SYCP2L: variants seen among roughly 807,000 people sequenced by gnomAD.
SYCP2L encodes the protein synaptonemal complex protein 2-like.
In SYCP2L, 98 loss-of-function variants were observed where a neutral mutation model predicts 125.8. The observed-to-expected ratio is 0.78, with a 90% CI of 0.66 to 0.92. SYCP2L has a LOEUF of 0.92. Ranked by LOEUF, SYCP2L falls within the 40% of genes least tolerant of loss-of-function variation. SYCP2L has a pLI of 0.00. For missense variants in SYCP2L, 842 were observed against 936.4 expected (o/e 0.90, Z 1.32); for synonymous variants, 317 against 325.4 (o/e 0.97, Z 0.28).
In SYCP2L at chr6:10,924,657, C is replaced by A; in HGVS notation, c.1218+16C>A. ...AGACAAACAGGTGGCAGGTTTCATT[C>A]TTTTGGATTATTTAAAAATGTTTTA... On this transcript the variant is annotated intron_variant, in intron 15 of 29. Transcript: ENST00000283141. The A allele has an allele frequency of 6.6e-7, 1 of 1,522,600 alleles. No individual in the cohort carries two copies. The highest frequency in any genetic ancestry group is 2.5e-5 in the Admixed American group (1 of 40,694). 94.3% of individuals were successfully genotyped at this position (1,522,600 alleles called of 1,614,324 possible).
intron 26 of SYCP2L, among the ~76,000 whole-genome samples, chr6:10,959,541 G>T (rs1025068411): frequency 1.3e-5 from 2 of 152,104 alleles, no homozygotes; most frequent in African/African-American, 4.8e-5. Flanking sequence ...TGGTTAAAAG[G>T]GTATAAATAT....
chr6:10,941,222 C>T (rs1437081272), intron 21 of SYCP2L, among the ~76,000 whole-genome samples: 1 of 152,112 alleles, frequency 6.6e-6, no homozygotes, highest in African/African-American at 2.4e-5. Flanking sequence ...TCAGCAATAC[C>T]ATTCAGGACA....
chr6:10,943,468 C>T (rs1243261650), intron 23 of SYCP2L, among the ~76,000 whole-genome samples: 1 of 151,972 alleles, frequency 6.6e-6, no homozygotes, highest in African/African-American at 2.4e-5. Flanking sequence ...ACCCCCTCCC[C>T]TTAATTTTAT....
intron 8 of SYCP2L, among the ~76,000 whole-genome samples, chr6:10,903,504 C>A (rs982473969): frequency 2.6e-5 from 4 of 152,056 alleles, no homozygotes; most frequent in Admixed American, 2.6e-4. Flanking sequence ...GCCGAGATCG[C>A]GCCACTGTGC....
At chr6:10,961,633 G>A (rs892177938) in intron 28 of SYCP2L, 75 bp downstream of exon 28, 4 of 1,438,160 alleles carry the variant, frequency 2.8e-6, no homozygotes, top group Middle Eastern at 1.8e-4. Context: ...AGAATGGGCA[G>A]TTGGTGACGG....
intron 8 of SYCP2L, 83 bp from the exon 9 acceptor site, chr6:10,905,937 G>T: frequency 1.1e-6 from 1 of 876,522 alleles, no homozygotes; most frequent in South Asian, 1.8e-5. Context: ...ATATACTTTG[G>T]TTTTAAAGTT....
At chr6:10,955,987 G>A in intron 24 of SYCP2L, 149 bp from the exon 25 acceptor site, 1 of 608,976 alleles carries the variant, frequency 1.6e-6, no homozygotes, top group East Asian at 2.8e-5. Flanking sequence ...ACTTTCCAGA[G>A]AGCGAGGTCA....
intron 29 of SYCP2L, 148 bp from the exon 30 acceptor site, chr6:10,973,804 T>C (rs1384626336): frequency 1.3e-5 from 2 of 152,316 alleles, no homozygotes; most frequent in Middle Eastern, 3.4e-3. Flanking sequence ...TTGACAACCA[T>C]GTAAGATGCT....
At chr6:10,932,208 C>G (rs79332736) in intron 20 of SYCP2L, among the ~76,000 whole-genome samples, 1 of 151,994 alleles carries the variant, frequency 6.6e-6, no homozygotes, top group African/African-American at 2.4e-5. Flanking sequence ...AGGATACCTT[C>G]GGGCTTATAT....
chr6:10,899,260 T>G (rs1012344538), intron 6 of SYCP2L, among the ~76,000 whole-genome samples: 8 of 152,196 alleles, frequency 5.3e-5, no homozygotes, highest in Non-Finnish European at 1.0e-4. Flanking sequence ...AAATTAAAGG[T>G]AATTATGCTG....
chr6:10,936,868 A>C (rs60632060), intron 21 of SYCP2L, among the ~76,000 whole-genome samples: 3,341 of 152,332 alleles, frequency 0.022, 166 homozygotes, highest in East Asian at 0.22. Context: ...ATGATGATAA[A>C]AGGGTTAATT....
rs1406198933 is a variant in SYCP2L at position 10,955,073 on chromosome 6, G to A, written c.1955-43G>A. The A allele has an allele frequency of 9.8e-6, 14 of 1,421,396 alleles. No homozygotes were observed. The South Asian group carries it at 1.3e-4, about 13-fold the overall frequency. The allele number at this position is 1,421,396 out of a possible 1,614,324, so 88.0% of individuals were successfully genotyped here. On this transcript the variant is annotated intron_variant, in intron 23 of 29. Coordinates refer to ENST00000283141, the MANE Select transcript of SYCP2L (RefSeq NM_001040274.3). ...ACATTAACTGCCAAAAAATGAACAAGATAATTTCGGGTCAAAAGGAAATGT... is the reference window on the plus strand; with the variant it reads ...ACATTAACTGCCAAAAAATGAACAAAATAATTTCGGGTCAAAAGGAAATGT...
At chr6:10,895,237 C>T (rs1361964709) in intron 4 of SYCP2L, among the ~76,000 whole-genome samples, 1 of 152,128 alleles carries the variant, frequency 6.6e-6, no homozygotes, top group East Asian at 1.9e-4. Flanking sequence ...CTAAGTGTAC[C>T]TTGGAACCCT....
chr6:10,952,708 C>T (rs1007652152), intron 23 of SYCP2L, among the ~76,000 whole-genome samples: 21 of 152,156 alleles, frequency 1.4e-4, no homozygotes, highest in Non-Finnish European at 2.9e-5. Flanking sequence ...TTGGCCCTGA[C>T]TGCGGTATAG....
intron 18 of SYCP2L, among the ~76,000 whole-genome samples, chr6:10,929,178 ACCACACCTGG>A (rs1780947533): frequency 6.6e-6 from 1 of 152,208 alleles, no homozygotes; most frequent in Non-Finnish European, 1.5e-5. Flanking sequence ...GGCATGAGCA[ACCACACCTGG>A]CCGCACCCGG....
intron 23 of SYCP2L, among the ~76,000 whole-genome samples, chr6:10,943,507 G>C (rs1402289933): frequency 7.5e-6 from 1 of 133,204 alleles, no homozygotes; most frequent in South Asian, 2.2e-4. Context: ...TTGTTCATTC[G>C]TGCGTTGTGA....
intron 21 of SYCP2L, among the ~76,000 whole-genome samples, chr6:10,941,089 G>T (rs77173674): frequency 0.029 from 4,455 of 152,230 alleles, 187 homozygotes; most frequent in East Asian, 0.22. Flanking sequence ...TGGGAAAATC[G>T]TCTAGCCGTA....
intron 2 of SYCP2L, among the ~76,000 whole-genome samples, chr6:10,893,076 C>T (rs1023767758): frequency 3.3e-5 from 5 of 151,042 alleles, no homozygotes; most frequent in East Asian, 1.9e-4. Flanking sequence ...GGTGCGATCT[C>T]GACTCACCGC....
chr6:10,942,871 G>T, intron 23 of SYCP2L, 125 bp downstream of exon 23: 3 of 849,516 alleles, frequency 3.5e-6, no homozygotes, highest in Non-Finnish European at 5.4e-6. Context: ...TTGCCAGGCC[G>T]TGGAGGGAGC....
Sources: gnomAD v4.1 joint callset for allele counts (sites outside exome capture counted in the v4.1 genomes callset) on GRCh38, gnomAD v4.1.1 for gene constraint, MANE v1.5 for transcripts, NCBI Gene and HGNC (gene_info 2026-07-23, HGNC 2026-07-21) for gene names.